MTSS1: variants seen among roughly 807,000 people sequenced by gnomAD.
MTSS1 encodes the protein MTSS I-BAR domain containing 1.
A neutral mutation model predicts 79.0 loss-of-function variants in MTSS1; 18 were observed. That is an observed-to-expected ratio of 0.23 (90% CI 0.16 to 0.34). The LOEUF is 0.34. Ranked by LOEUF, MTSS1 falls within the 10% of genes least tolerant of loss-of-function variation. MTSS1 has a pLI of 1.00. For synonymous variants in MTSS1, 341 were observed against 368.6 expected (o/e 0.93, Z 0.86); for missense variants, 815 against 986.2 (o/e 0.83, Z 2.33).
intron 3 of MTSS1, among the ~76,000 whole-genome samples, chr8:124,631,905 T>C (rs1350013840): frequency 6.6e-6 from 1 of 152,174 alleles, no homozygotes; most frequent in Non-Finnish European, 1.5e-5. Flanking sequence ...GAATAACAGA[T>C]CTGAGCTTTG....
intron 6 of MTSS1, 88 bp downstream of exon 6, chr8:124,584,999 A>T (rs1368926677): frequency 6.5e-6 from 7 of 1,084,384 alleles, no homozygotes; most frequent in Non-Finnish European, 9.7e-6. Flanking sequence ...ATACTTAAGG[A>T]AGTCTCTGAA....
intron 3 of MTSS1, among the ~76,000 whole-genome samples, chr8:124,631,411 A>G (rs1815921646): frequency 6.6e-6 from 1 of 152,126 alleles, no homozygotes; most frequent in Non-Finnish European, 1.5e-5. Context: ...GGAAAAGACG[A>G]GCGCTACACG....
chr8:124,693,825 T>C (rs1239689973), intron 3 of MTSS1, among the ~76,000 whole-genome samples: 2 of 152,210 alleles, frequency 1.3e-5, no homozygotes, highest in East Asian at 1.9e-4. Flanking sequence ...AAAGATAATA[T>C]AGAAAAGGAA....
At chr8:124,558,190 C>T (rs1563743174) in intron 10 of MTSS1, among the ~76,000 whole-genome samples, 1 of 152,304 alleles carries the variant, frequency 6.6e-6, no homozygotes, top group African/African-American at 2.4e-5. Context: ...AATGAAGCCT[C>T]ATTTAATGGT....
intron 6 of MTSS1, chr8:124,580,600 A>G: frequency 6.5e-7 from 1 of 1,534,962 alleles, no homozygotes; most frequent in Non-Finnish European, 8.7e-7. Context: ...TGCAGGATAC[A>G]CAATTGACAC....
rs1440303037 is a variant in MTSS1, at chr8:124,563,260, T to G, written c.825-268A>C. 4 of 480,058 alleles carry G rather than the reference T, an allele frequency of 8.3e-6. No individual in the cohort carries two copies. The East Asian group carries it at 1.6e-4, about 20-fold the overall frequency. The allele number at this position is 480,058 out of a possible 1,614,324, so 29.7% of individuals were successfully genotyped here. On this transcript the variant is annotated intron_variant, in intron 9 of 13. Transcript: ENST00000518547. ...GGACTCAGGTCTCCGATGGTAACCA[T>G]GTGGCATTCTTACGAGGGAGGTCTG...
chr8:124,656,286 G>A (rs1225929802), intron 3 of MTSS1, among the ~76,000 whole-genome samples: 1 of 152,138 alleles, frequency 6.6e-6, no homozygotes, highest in Non-Finnish European at 1.5e-5. Context: ...GGCTGAACTG[G>A]CAAGGAGGAC....
chr8:124,627,413 AAGG>A (rs1814913842), intron 3 of MTSS1, among the ~76,000 whole-genome samples: 3 of 152,326 alleles, frequency 2.0e-5, no homozygotes, highest in East Asian at 3.9e-4. Context: ...CTATCCTATA[AAGG>A]AGGAGACCAA....
At chr8:124,613,785 C>G (rs1257410224) in intron 3 of MTSS1, among the ~76,000 whole-genome samples, 1 of 152,232 alleles carries the variant, frequency 6.6e-6, no homozygotes, top group African/African-American at 2.4e-5. Context: ...ACTGCCTGCT[C>G]TGCTGCCCCA....
At chr8:124,569,913 C>A (rs1306935780) in intron 6 of MTSS1, among the ~76,000 whole-genome samples, 1 of 152,150 alleles carries the variant, frequency 6.6e-6, no homozygotes, top group Non-Finnish European at 1.5e-5. Context: ...CTATTCTCTG[C>A]CCCACCGCCT....
intron 3 of MTSS1, among the ~76,000 whole-genome samples, chr8:124,612,633 T>C (rs902125330): frequency 1.7e-5 from 1 of 59,992 alleles, no homozygotes; most frequent in Admixed American, 1.7e-4. Flanking sequence ...TGTGTGTGTG[T>C]ACGAGAGAGA....
At chr8:124,568,649 A>G (rs1187979807) in intron 6 of MTSS1, 113 bp from the exon 7 acceptor site, 1 of 1,527,284 alleles carries the variant, frequency 6.5e-7, no homozygotes, top group Non-Finnish European at 8.9e-7. Flanking sequence ...CCAGGATGTA[A>G]AAAAAGTATT....
chr8:124,616,579 G>A (rs974037529), intron 3 of MTSS1, among the ~76,000 whole-genome samples: 3 of 152,084 alleles, frequency 2.0e-5, no homozygotes, highest in Non-Finnish European at 2.9e-5. Flanking sequence ...ATAAGCAGAC[G>A]GAAACGGATA....
At chr8:124,561,133 A>G (rs17298912) in intron 10 of MTSS1, among the ~76,000 whole-genome samples, 11,924 of 152,266 alleles carry the variant, frequency 0.078, 633 homozygotes, top group Non-Finnish European at 0.11. Flanking sequence ...CCCTGAGCTC[A>G]TTAAAACTAC....
chr8:124,649,404 C>T (rs1438003181), intron 3 of MTSS1, among the ~76,000 whole-genome samples: 3 of 152,184 alleles, frequency 2.0e-5, no homozygotes, highest in Non-Finnish European at 2.9e-5. Context: ...CACAGAGCAG[C>T]GATGGAGTCG....
rs1833939822 is a variant in MTSS1, at chr8:124,727,715, G to A, written c.72+169C>T. On this transcript the variant is annotated intron_variant, in intron 1 of 13. Transcript: ENST00000518547. This position sits in a 1 kb window ranked among gnomAD's most constrained non-coding sequence, Gnocchi z 4.7. ...CCCGCCCAGTGACCCCGCAGAGCCCGGAGCAGCGCCCCGGGTGAGCAGGTG... is the reference window on the plus strand; with the variant it reads ...CCCGCCCAGTGACCCCGCAGAGCCCAGAGCAGCGCCCCGGGTGAGCAGGTG... 1.5e-6 allele frequency: 1 copy of A among 679,686 alleles called. No homozygotes were observed. Among genetic ancestry groups the A allele is most frequent in the East Asian group, 2.9e-5 (1 of 33,980 alleles). 42.1% of individuals were successfully genotyped at this position (679,686 alleles called of 1,614,324 possible).
In MTSS1 at chr8:124,727,502, G is replaced by GC; in HGVS notation, c.72+381dup. 2.2e-6 allele frequency: 1 copy of GC among 461,820 alleles called. No individual in the cohort carries two copies. The highest frequency in any genetic ancestry group is 4.3e-6 in the Non-Finnish European group (1 of 231,856). 28.6% of individuals were successfully genotyped at this position (461,820 alleles called of 1,614,324 possible). ...ACCGCGCCAGGCGCCCCCACCCCGT[G>GC]CCCGGAGGAATCAGGTGTCCTCCCG... On this transcript the variant is annotated intron_variant, in intron 1 of 13. Transcript: ENST00000518547. The surrounding 1 kb of genome is among the most constrained non-coding windows in gnomAD (Gnocchi z 4.7).
chr8:124,716,173 A>T (rs1024942410), intron 1 of MTSS1, among the ~76,000 whole-genome samples: 1 of 152,220 alleles, frequency 6.6e-6, no homozygotes, highest in Non-Finnish European at 1.5e-5. Flanking sequence ...CCCCAAGGGC[A>T]GCATACTCGA....
intron 3 of MTSS1, among the ~76,000 whole-genome samples, chr8:124,676,549 T>A (rs528960312): frequency 6.6e-6 from 1 of 152,210 alleles, no homozygotes; most frequent in African/African-American, 2.4e-5. Flanking sequence ...TCTGGGCAAA[T>A]GAAAGAACGT....
Sources: allele counts gnomAD v4.1 joint callset (sites outside exome capture counted in the v4.1 genomes callset), GRCh38; gene constraint gnomAD v4.1.1; non-coding constraint Gnocchi (gnomAD v3.1); transcripts MANE v1.5; gene names NCBI Gene and HGNC (gene_info 2026-07-23, HGNC 2026-07-21).